The following ZNF560 variants were observed in gnomAD, a reference collection of about 807,000 sequenced individuals.
ZNF560 encodes zinc finger protein 560.
ZNF560 carries 54 observed loss-of-function variants against 81.8 expected under a neutral mutation model. The observed-to-expected ratio is 0.66, with a 90% CI of 0.53 to 0.83. The LOEUF is 0.83. Ranked by LOEUF, ZNF560 falls within the 40% of genes least tolerant of loss-of-function variation. The pLI is 0.00. For missense variants in ZNF560, 940 were observed against 932.4 expected (o/e 1.01, Z -0.11); for synonymous variants, 321 against 317.9 (o/e 1.01, Z -0.10).
At chr19:9,493,509 C>T (rs913968089) in intron 2 of ZNF560, among the ~76,000 whole-genome samples, 7 of 152,056 alleles carry the variant, frequency 4.6e-5, no homozygotes, top group East Asian at 3.9e-4. Flanking sequence ...GGATTACAGG[C>T]GCCCGCCACG....
intron 2 of ZNF560, among the ~76,000 whole-genome samples, chr19:9,482,556 G>C (rs1045831636): frequency 3.3e-5 from 5 of 152,034 alleles, no homozygotes; most frequent in African/African-American, 1.2e-4. Context: ...AGACCAGGAA[G>C]TCAAGGCTGC....
intron 2 of ZNF560, among the ~76,000 whole-genome samples, chr19:9,489,922 A>G (rs1030907511): frequency 6.6e-6 from 1 of 152,228 alleles, no homozygotes; most frequent in Admixed American, 6.5e-5. Flanking sequence ...CAATGTGAGA[A>G]TAGCCTAATA....
chr19:9,471,440 G>T (rs2073121155), intron 5 of ZNF560, 62 bp from the exon 6 acceptor site: 5 of 1,171,816 alleles, frequency 4.3e-6, no homozygotes, highest in African/African-American at 1.6e-5. Context: ...AAATGAAAGA[G>T]TTAAAAATTA....
chr19:9,474,133 G>C (rs1488923105), intron 4 of ZNF560, 66 bp downstream of exon 4: 26 of 1,584,286 alleles, frequency 1.6e-5, no homozygotes, highest in Non-Finnish European at 2.1e-5. Context: ...ACCAATTCTG[G>C]AACACAGCAA....
At chr19:9,452,168 A>G in the ZNF560 span, among the ~76,000 whole-genome samples, 4 of 152,182 alleles carry the variant, frequency 2.6e-5, no homozygotes, top group Non-Finnish European at 5.9e-5. Context: ...ATAGGAAAAA[A>G]TGCTCATTAC....
At chr19:9,451,589 A>C in the ZNF560 span, among the ~76,000 whole-genome samples, 2 of 152,216 alleles carry the variant, frequency 1.3e-5, no homozygotes, top group Non-Finnish European at 2.9e-5. Flanking sequence ...CCCAAAAGCA[A>C]CTGCAATAAA....
Position 9,466,592 on chromosome 19 carries a change from T to C in ZNF560, c.2355A>G (p.Ala785=), listed in dbSNP as rs1453371220. The change falls in exon 10 of 10, where the codon GCA becomes GCG. Residue 785 remains alanine, a synonymous_variant. Transcript: ENST00000301480. ...CTTCTCTCTAGTGTGTTTTCAAATG[T>C]GCAATACGAGCTGAGAAAGAAGCAA... ...KAFASFSARI[A]HLKTH The C allele has an allele frequency of 2.5e-6, 4 of 1,603,004 alleles. No individual in the cohort carries two copies. The highest frequency in any genetic ancestry group is 3.4e-6 in the Non-Finnish European group (4 of 1,173,374).
At position 9,466,921 on chromosome 19, in the gene ZNF560, T is replaced by C; in HGVS notation, c.2026A>G (p.Lys676Glu). 6.2e-7 allele frequency: 1 copy of C among 1,614,136 alleles called. No individual in the cohort carries two copies. The highest frequency in any genetic ancestry group is 8.5e-7 in the Non-Finnish European group (1 of 1,180,030). ...GAGGTCTTCTCTGCTGCATGAGTTT[T>C]TAAGTGTTGAGTTAGTACACAAGAC... Reference protein sequence around the residue: ...SRSCVLTQHLKTHAAEKTSEC... With the variant: ...SRSCVLTQHLETHAAEKTSEC... The change falls in exon 10 of 10, where the codon AAA becomes GAA. Residue 676 changes from lysine to glutamate, a missense_variant. Transcript: ENST00000301480.
At chr19:9,456,112 A>G in the ZNF560 span, among the ~76,000 whole-genome samples, 1 of 152,224 alleles carries the variant, frequency 6.6e-6, no homozygotes, top group Non-Finnish European at 1.5e-5. Context: ...AAACCAGGGC[A>G]TTCCTGGCTC....
chr19:9,455,013 A>G, the ZNF560 span, among the ~76,000 whole-genome samples: 2 of 152,106 alleles, frequency 1.3e-5, no homozygotes, highest in East Asian at 3.9e-4. Flanking sequence ...TCTGGAGGAC[A>G]CTGAGCAAAA....
chr19:9,473,164 T>A lies in ZNF560; in HGVS notation c.238+15A>T. The A allele has an allele frequency of 1.2e-6, 2 of 1,611,724 alleles. No homozygotes were observed. Among genetic ancestry groups the A allele is most frequent in the South Asian group, 2.2e-5 (2 of 91,030 alleles). On this transcript the variant is annotated intron_variant, in intron 5 of 9. Transcript: ENST00000301480. ...AACTTCTCACTGACCAAGGTTGTTC[T>A]TCACAAATACTCACCTTGGAGAACT...
the ZNF560 span, among the ~76,000 whole-genome samples, chr19:9,451,027 C>T: frequency 5.3e-5 from 8 of 152,144 alleles, no homozygotes; most frequent in African/African-American, 1.9e-4. Flanking sequence ...GAATCAGTAT[C>T]ATTAAAATGG....
Position 9,470,499 on chromosome 19 carries a change from C to A in ZNF560, c.341G>T (p.Ser114Ile). Reference protein sequence around the residue: ...GIQMDLVTFDSVAVEFTQEEW... With the variant: ...GIQMDLVTFDIVAVEFTQEEW... ...TTCCTGGGTGAACTCCACAGCCACA[C>A]TGTCAAAGGTTACCAGGTCCTAAAC... The change falls in exon 7 of 10, where the codon AGT (serine) becomes ATT (isoleucine). Residue 114 changes from serine to isoleucine, a missense_variant. Ser to Ile is a moderately radical substitution (Grantham distance 142). Transcript: ENST00000301480. 2 of 1,614,160 alleles carry A rather than the reference C, an allele frequency of 1.2e-6. No individual in the cohort carries two copies. Among genetic ancestry groups the A allele is most frequent in the Non-Finnish European group, 1.7e-6 (2 of 1,180,026 alleles).
chr19:9,487,952 A>T (rs971367), intron 2 of ZNF560, among the ~76,000 whole-genome samples: 1 of 152,034 alleles, frequency 6.6e-6, no homozygotes, highest in Non-Finnish European at 1.5e-5. Context: ...CTTAAACCCC[A>T]CTATGATTTG....
At chr19:9,472,039 G>A (rs1318318467) in intron 5 of ZNF560, among the ~76,000 whole-genome samples, 1 of 151,974 alleles carries the variant, frequency 6.6e-6, no homozygotes, top group African/African-American at 2.4e-5. Context: ...GAACCTGGGA[G>A]GCATAGGTTG....
At chr19:9,506,307 C>T in the ZNF560 span, among the ~76,000 whole-genome samples, 3 of 151,816 alleles carry the variant, frequency 2.0e-5, no homozygotes. Context: ...CTTTAACAGC[C>T]CTCATAAGGA....
chr19:9,492,517 T>C (rs74399903), intron 2 of ZNF560, among the ~76,000 whole-genome samples: 2,958 of 152,262 alleles, frequency 0.019, 103 homozygotes, highest in African/African-American at 0.067. Context: ...ATTCACACAA[T>C]ACCATCTTTC....
At chr19:9,503,745 C>T in the ZNF560 span, among the ~76,000 whole-genome samples, 12 of 152,176 alleles carry the variant, frequency 7.9e-5, no homozygotes, top group African/African-American at 2.9e-4. Context: ...CACTATGTTG[C>T]CTGACTGGTC....
chr19:9,501,011 G>T (rs984089616), upstream of ZNF560, among the ~76,000 whole-genome samples: 1 of 151,784 alleles, frequency 6.6e-6, no homozygotes, highest in African/African-American at 2.4e-5. Flanking sequence ...TCCTTTTGTT[G>T]AACCAACCTT....
Sources: gnomAD v4.1 joint callset for allele counts (sites outside exome capture counted in the v4.1 genomes callset) on GRCh38, gnomAD v4.1.1 for gene constraint, MANE v1.5 for transcripts, NCBI Gene and HGNC (gene_info 2026-07-23, HGNC 2026-07-21) for gene names.